The following LRRC63 variants were observed in gnomAD, a reference collection of about 807,000 sequenced individuals.
LRRC63 encodes leucine-rich repeat-containing protein 63.
LRRC63 carries 40 observed loss-of-function variants against 49.5 expected under a neutral mutation model. The observed-to-expected ratio is 0.81, with a 90% CI of 0.63 to 1.05. The LOEUF is 1.05. LRRC63 is among the 50% of genes least tolerant of loss of function. The pLI, the probability that LRRC63 is intolerant of heterozygous loss-of-function variation, is 0.00. For missense variants in LRRC63, 636 were observed against 663.1 expected (o/e 0.96, Z 0.45); for synonymous variants, 191 against 221.1 (o/e 0.86, Z 1.21).
intron 7 of LRRC63, among the ~76,000 whole-genome samples, chr13:46,251,075 A>C (rs1749656): frequency 0.42 from 63,968 of 151,544 alleles, 14,157 homozygotes; most frequent in East Asian, 0.59. Flanking sequence ...ACCTTAACCA[A>C]ATGTCAAAAC....
At chr13:46,228,803 G>A (rs1341733204) in intron 4 of LRRC63, 70 bp downstream of exon 4, 1 of 1,075,258 alleles carries the variant, frequency 9.3e-7, no homozygotes, top group Admixed American at 2.3e-5. Flanking sequence ...AATTATGGGT[G>A]ATTTTTTGTG....
At chr13:46,236,442 T>G (rs536460909) in intron 5 of LRRC63, among the ~76,000 whole-genome samples, 1 of 152,144 alleles carries the variant, frequency 6.6e-6, no homozygotes, top group Non-Finnish European at 1.5e-5. Flanking sequence ...TGTTTTGTCA[T>G]GTACAAGGGC....
chr13:46,218,077 G>A (rs1161664054), intron 2 of LRRC63, among the ~76,000 whole-genome samples: 2 of 152,196 alleles, frequency 1.3e-5, no homozygotes, highest in African/African-American at 4.8e-5. Context: ...TGTATATTCT[G>A]TTGATTTGGG....
At chr13:46,246,455 GTTTTACTCTTGT>G in intron 5 of LRRC63, 60 bp from the exon 6 acceptor site, 1 of 619,724 alleles carries the variant, frequency 1.6e-6, no homozygotes, top group South Asian at 4.3e-5. Flanking sequence ...TGCTGATTTT[GTTTTACTCTTGT>G]ATAAACTATT....
intron 9 of LRRC63, among the ~76,000 whole-genome samples, chr13:46,275,097 T>C (rs1261325522): frequency 1.3e-5 from 2 of 152,222 alleles, no homozygotes; most frequent in African/African-American, 4.8e-5. Context: ...CCTGACTTAT[T>C]TCACTTAACA....
intron 5 of LRRC63, among the ~76,000 whole-genome samples, chr13:46,235,342 C>T (rs1203865663): frequency 6.6e-6 from 1 of 152,058 alleles, no homozygotes; most frequent in African/African-American, 2.4e-5. Context: ...AGAATACAGA[C>T]TTCACAAAAA....
intron 2 of LRRC63, among the ~76,000 whole-genome samples, chr13:46,215,587 T>C (rs1230445): frequency 0.48 from 73,250 of 151,948 alleles, 19,219 homozygotes; most frequent in African/African-American, 0.67. Context: ...CTGATGACAG[T>C]TTCTTTTGCT....
chr13:46,260,321 G>C (rs1244650373), intron 7 of LRRC63, among the ~76,000 whole-genome samples: 1 of 152,184 alleles, frequency 6.6e-6, no homozygotes, highest in Non-Finnish European at 1.5e-5. Context: ...TTACAGAGAT[G>C]ATAAGAAGTC....
chr13:46,276,219 A>G (rs1434041078), intron 9 of LRRC63, among the ~76,000 whole-genome samples: 1 of 152,024 alleles, frequency 6.6e-6, no homozygotes, highest in Non-Finnish European at 1.5e-5. Flanking sequence ...TTTATTTTGT[A>G]TCATAAAAAA....
intron 8 of LRRC63, 74 bp from the exon 9 acceptor site, chr13:46,266,659 A>G (rs1412842108): frequency 7.8e-7 from 1 of 1,290,282 alleles, no homozygotes; most frequent in East Asian, 2.6e-5. Context: ...TTTCATGAAC[A>G]ATTGAGGCAG....
chr13:46,266,349 A>C (rs548362160), intron 8 of LRRC63, among the ~76,000 whole-genome samples: 1 of 152,322 alleles, frequency 6.6e-6, no homozygotes, highest in East Asian at 1.9e-4. Context: ...CACTATTTTG[A>C]TTGGGCTTGA....
intron 9 of LRRC63, among the ~76,000 whole-genome samples, chr13:46,270,983 TA>T (rs2047750197): frequency 6.6e-6 from 1 of 152,252 alleles, no homozygotes; most frequent in African/African-American, 2.4e-5. Flanking sequence ...ATTTACGCAT[TA>T]TCCCATAATC....
intron 7 of LRRC63, among the ~76,000 whole-genome samples, chr13:46,257,896 C>T (rs931742396): frequency 6.6e-6 from 1 of 151,410 alleles, no homozygotes; most frequent in Non-Finnish European, 1.5e-5. Flanking sequence ...TTATAGTTTC[C>T]ATATGTTAAA....
At chr13:46,267,575 A>AAT (rs550647836) in intron 9 of LRRC63, among the ~76,000 whole-genome samples, 95 of 152,332 alleles carry the variant, frequency 6.2e-4, no homozygotes, top group Admixed American at 3.2e-3. Context: ...TGCCTAAGTA[A>AAT]AATGGCTTCC....
intron 9 of LRRC63, 46 bp from the exon 10 acceptor site, chr13:46,276,544 T>C (rs2047839819): frequency 2.1e-6 from 2 of 948,654 alleles, no homozygotes; most frequent in African/African-American, 1.7e-5. Flanking sequence ...ACAGAGTCTT[T>C]AGTAAAAATT....
At chr13:46,244,969 C>T (rs1238284654) in intron 5 of LRRC63, among the ~76,000 whole-genome samples, 2 of 152,032 alleles carry the variant, frequency 1.3e-5, no homozygotes, top group African/African-American at 4.8e-5. Flanking sequence ...TACTAGGAAG[C>T]GTACTTAAAT....
intron 9 of LRRC63, among the ~76,000 whole-genome samples, chr13:46,267,731 A>C (rs2047702155): frequency 6.6e-6 from 1 of 152,246 alleles, no homozygotes; most frequent in Admixed American, 6.5e-5. Flanking sequence ...TATGGTATTA[A>C]GATGTCAATA....
intron 9 of LRRC63, among the ~76,000 whole-genome samples, chr13:46,267,564 G>T (rs1316685644): frequency 1.3e-5 from 2 of 152,158 alleles, no homozygotes; most frequent in Non-Finnish European, 2.9e-5. Flanking sequence ...TATTTGCTAT[G>T]TGCCTAAGTA....
rs185883946 is a variant in LRRC63 at position 46,260,655 on chromosome 13, A to G, written c.1227-1254A>G. 4.7e-3 allele frequency among the ~76,000 whole-genome samples: 715 copies of G among 152,324 alleles called. 3 individuals carry two copies. The highest frequency in any genetic ancestry group is 8.2e-3 in the Non-Finnish European group (557 of 68,032). On this transcript the variant is annotated intron_variant, in intron 7 of 9. Transcript: ENST00000595396. ...GAAGGATTTGGGAAGAGTTTGTTGGAAGAGATGACATCTGAGCCAAGACAA... is the reference window on the plus strand; with the variant it reads ...GAAGGATTTGGGAAGAGTTTGTTGGGAGAGATGACATCTGAGCCAAGACAA...
Sources: allele counts gnomAD v4.1 joint callset (sites outside exome capture counted in the v4.1 genomes callset), GRCh38; gene constraint gnomAD v4.1.1; transcripts MANE v1.5; gene names NCBI Gene and HGNC (gene_info 2026-07-23, HGNC 2026-07-21).